NUP107: variants seen among roughly 807,000 people sequenced by gnomAD.
NUP107 encodes nuclear pore complex protein Nup107.
NUP107 carries 101 observed loss-of-function variants against 141.0 expected under a neutral mutation model. The observed-to-expected ratio is 0.72, with a 90% CI of 0.61 to 0.84. NUP107 has a LOEUF of 0.84. Ranked by LOEUF, NUP107 falls within the 40% of genes least tolerant of loss-of-function variation. NUP107 has a pLI of 0.00. For synonymous variants in NUP107, 319 were observed against 363.9 expected, an observed-to-expected ratio of 0.88 and a Z score of 1.41; for missense variants, 941 against 1,102.7, an observed-to-expected ratio of 0.85 and a Z score of 2.08.
At position 68,745,164 on chromosome 12, in the gene NUP107, C is replaced by T. The variant is rs928681944; in HGVS notation, c.*2702C>T. The T allele has an allele frequency of 2.6e-5, 4 of 152,228 alleles. No homozygotes were observed. Among genetic ancestry groups the T allele is most frequent in the African/African-American group, 7.2e-5 (3 of 41,444 alleles). The allele number at this position is 152,228 out of a possible 1,614,324, so 9.4% of individuals were successfully genotyped here. A position where few individuals can be genotyped will look rare whatever the true frequency, so the allele number is the denominator to read the frequency against. ...CTCCTGGGCTCAAGCAATCCTCCCA[C>T]GTCAGTCTCTCAAATAGCTGGGACT... On this transcript the variant is annotated 3_prime_UTR_variant, in exon 28 of 28. Coordinates refer to ENST00000229179, the MANE Select transcript of NUP107 (RefSeq NM_020401.4).
At chr12:68,736,717 C>CTTTTTTTTTTTTTTTTTTTTTTTT (rs10713889) in intron 26 of NUP107, among the ~76,000 whole-genome samples, 1 of 105,892 alleles carries the variant, frequency 9.4e-6, no homozygotes, top group African/African-American at 3.8e-5. Context: ...GTGTCGCCAC[C>CTTTTTTTTTTTTTTTTTTTTTTTT]TTTTTTTTTT....
chr12:68,726,881 C>T (rs1877590432), intron 19 of NUP107, among the ~76,000 whole-genome samples: 1 of 152,178 alleles, frequency 6.6e-6, no homozygotes, highest in Non-Finnish European at 1.5e-5. Context: ...AGCTTTAAAT[C>T]AACCAGCTAA....
chr12:68,741,791 A>G lies in NUP107; in HGVS notation c.2503-22A>G, dbSNP rs201053503. On this transcript the variant is annotated intron_variant, in intron 26 of 27. Coordinates refer to ENST00000229179, the MANE Select transcript of NUP107 (RefSeq NM_020401.4). ...ATCTTTAGCTTAAATTGTTAAAATGATTTATTGATGTCTGTTTGTAGGATG... is the reference window on the plus strand; with the variant it reads ...ATCTTTAGCTTAAATTGTTAAAATGGTTTATTGATGTCTGTTTGTAGGATG... 46 of 1,598,144 alleles carry G rather than the reference A, an allele frequency of 2.9e-5. No individual in the cohort carries two copies. The African/African-American group carries it at 5.5e-4, about 19-fold the overall frequency.
chr12:68,730,018 C>G (rs1877747960), intron 20 of NUP107, among the ~76,000 whole-genome samples: 1 of 151,662 alleles, frequency 6.6e-6, no homozygotes, highest in East Asian at 1.9e-4. Flanking sequence ...CTAGAGTTCA[C>G]TGGCTAGATC....
rs766043597 is a variant in NUP107, at chr12:68,702,784, TGTAA to T, written c.729+3_729+6del. 14 of 1,503,764 alleles carry T rather than the reference TGTAA, an allele frequency of 9.3e-6. No individual in the cohort carries two copies. The highest frequency in any genetic ancestry group is 3.8e-5 in the South Asian group (3 of 78,112). 93.2% of individuals were successfully genotyped at this position (1,503,764 alleles called of 1,614,324 possible). On this transcript the variant is annotated splice_donor_variant and splice_donor_region_variant and intron_variant, in intron 8 of 27. Transcript: ENST00000229179. LOFTEE classifies it high-confidence loss of function. ...AAGAGGAAAGTGTATTCGCAGTTAC[TGTAA>T]GTTTTATATTAATTTTTTCTTTTAT...
intron 4 of NUP107, 44 bp downstream of exon 4, chr12:68,690,790 T>C (rs1270891674): frequency 1.6e-5 from 25 of 1,595,996 alleles, no homozygotes; most frequent in Non-Finnish European, 2.0e-5. Context: ...GGGTCGAGTG[T>C]GGTGGCTCAC....
chr12:68,721,094 T>C, intron 14 of NUP107, 24 bp from the exon 15 acceptor site: 1 of 1,481,134 alleles, frequency 6.8e-7, no homozygotes, highest in Non-Finnish European at 9.3e-7. Context: ...TATTTCAAAT[T>C]TGTTTATATT....
At chr12:68,688,864 A>G (rs1272536640) in intron 1 of NUP107, 98 bp from the exon 2 acceptor site, 4 of 807,460 alleles carry the variant, frequency 5.0e-6, no homozygotes, top group Middle Eastern at 5.2e-4. Flanking sequence ...ACTATACCTT[A>G]ACTTACTCAG....
At chr12:68,704,481 T>G (rs1876482893) in intron 8 of NUP107, among the ~76,000 whole-genome samples, 1 of 151,742 alleles carries the variant, frequency 6.6e-6, no homozygotes, top group South Asian at 2.1e-4. Flanking sequence ...AGAGATAGGG[T>G]CTTGCTCTAT....
At chr12:68,713,543 T>A (rs930316114) in intron 10 of NUP107, among the ~76,000 whole-genome samples, 187 bp from the exon 11 acceptor site, 2 of 152,038 alleles carry the variant, frequency 1.3e-5, no homozygotes, top group Non-Finnish European at 2.9e-5. Context: ...GAATGGCCAA[T>A]AAGGACATGA....
intron 17 of NUP107, among the ~76,000 whole-genome samples, chr12:68,724,146 A>G (rs1223418585): frequency 6.6e-6 from 1 of 151,934 alleles, no homozygotes; most frequent in Non-Finnish European, 1.5e-5. Flanking sequence ...TTTTTTTTTA[A>G]AAGTCAAGTC....
At chr12:68,697,222 G>A (rs1876108793) in intron 6 of NUP107, among the ~76,000 whole-genome samples, 1 of 152,108 alleles carries the variant, frequency 6.6e-6, no homozygotes, top group African/African-American at 2.4e-5. Flanking sequence ...AAACCCAGCA[G>A]TTCAAGACCA....
intron 21 of NUP107, among the ~76,000 whole-genome samples, 160 bp from the exon 22 acceptor site, chr12:68,731,447 T>C (rs1719260659): frequency 6.6e-6 from 1 of 152,248 alleles, no homozygotes; most frequent in African/African-American, 2.4e-5. Flanking sequence ...AAAATATCTT[T>C]TAATTCTGGC....
intron 2 of NUP107, 39 bp downstream of exon 2, chr12:68,689,092 A>G (rs750586845): frequency 1.3e-6 from 2 of 1,492,256 alleles, no homozygotes; most frequent in Non-Finnish European, 1.9e-6. Context: ...AAAAATTGTA[A>G]CATGTTTGGA....
intron 27 of NUP107, 73 bp from the exon 28 acceptor site, chr12:68,742,282 T>C (rs1878350837): frequency 1.1e-6 from 1 of 934,302 alleles, no homozygotes; most frequent in Non-Finnish European, 1.7e-6. Flanking sequence ...GCTAATCAGA[T>C]CGATTAGGTA....
Position 68,733,717 on chromosome 12 carries a change from C to T in NUP107, c.2262+105C>T, listed in dbSNP as rs146300763. ...CTAGAAGTAGTGTTGGTTCATCTTA[C>T]CTCTCTTGTGACTATAGTGCTGACT... On this transcript the variant is annotated intron_variant, in intron 24 of 27. Coordinates refer to ENST00000229179, the MANE Select transcript of NUP107 (RefSeq NM_020401.4). 0.012 allele frequency: 13,234 copies of T among 1,148,054 alleles called. 112 individuals carry two copies. The highest frequency in any genetic ancestry group is 0.02 in the South Asian group (1,304 of 66,526). 71.1% of individuals were successfully genotyped at this position (1,148,054 alleles called of 1,614,324 possible).
At chr12:68,739,459 T>A (rs973204274) in intron 26 of NUP107, among the ~76,000 whole-genome samples, 1 of 152,192 alleles carries the variant, frequency 6.6e-6, no homozygotes, top group African/African-American at 2.4e-5. Flanking sequence ...GAATGTACTG[T>A]CTTCAGATTA....
intron 26 of NUP107, 107 bp from the exon 27 acceptor site, chr12:68,741,706 A>T: frequency 3.1e-6 from 3 of 959,966 alleles, no homozygotes; most frequent in Admixed American, 5.0e-5. Context: ...TTGCTGTTAA[A>T]TCTTGTCTAC....
At chr12:68,739,577 C>T (rs1051327385) in intron 26 of NUP107, 10 of 152,416 alleles carry the variant, frequency 6.6e-5, no homozygotes, top group African/African-American at 2.4e-4. Flanking sequence ...GTGGCTCACG[C>T]CTGTAATCCC....
Sources: allele counts gnomAD v4.1 joint callset (sites outside exome capture counted in the v4.1 genomes callset), GRCh38; gene constraint gnomAD v4.1.1; transcripts MANE v1.5; gene names NCBI Gene and HGNC (gene_info 2026-07-23, HGNC 2026-07-21).